Variants in CECR2 observed in about 807,000 individuals in gnomAD.
CECR2 encodes the protein CECR2 histone acetyl-lysine reader, also known as chromatin remodeling regulator CECR2.
Under a neutral mutation model 154.5 loss-of-function variants are expected in CECR2, and 30 were observed. That is an observed-to-expected ratio of 0.19 (90% CI 0.15 to 0.26). The LOEUF (loss-of-function observed/expected upper bound fraction) is 0.26. Among genes scored for constraint, CECR2 ranks in the 10% least tolerant of loss-of-function variants. The pLI is 1.00. For missense variants in CECR2, 1,743 were observed against 1,829.3 expected, an observed-to-expected ratio of 0.95 and a Z score of 0.86; for synonymous variants, 725 against 683.7, an observed-to-expected ratio of 1.06 and a Z score of -0.94.
rs1435714489 is a variant in CECR2, at chr22:17,540,820, CTG to C, written c.1884+22_1884+23del. The C allele has an allele frequency of 2.6e-6, 4 of 1,513,858 alleles. No individual in the cohort carries two copies. The highest frequency in any genetic ancestry group is 2.3e-5 in the Admixed American group (1 of 44,406). 93.8% of individuals were successfully genotyped at this position (1,513,858 alleles called of 1,614,324 possible). A position where few individuals can be genotyped will look rare whatever the true frequency, so the allele number is the denominator to read the frequency against. ...CAGATGGTAAGGAATAGAGTGGAGA[CTG>C]TTGCGGTTTCTCCTAGTTTGTGAGT... On this transcript the variant is annotated intron_variant, in intron 14 of 18. Coordinates refer to ENST00000262608, the MANE Select transcript of CECR2 (RefSeq NM_001290047.2).
rs1555921332 is a variant in CECR2 at position 17,505,859 on chromosome 22, T to TTTTA, written c.870+843_870+844insTTTA. The stretch of plus-strand genomic sequence containing the variant: ...GCTTTTTTTTTTTTTTTTTTTTTTT[T>TTTTA]AAGGACAAGCTCTCTCACTTTGTCG... On this transcript the variant is annotated intron_variant, in intron 7 of 18. Transcript: ENST00000262608. Among the ~76,000 whole-genome samples, 7 of 143,952 alleles carry TTTTA rather than the reference T, an allele frequency of 4.9e-5. No homozygotes were observed. The East Asian group carries it at 6.0e-4, about 12-fold the overall frequency. 94.4% of individuals were successfully genotyped at this position (143,952 alleles called of 152,430 possible). A position where few individuals can be genotyped will look rare whatever the true frequency, so the allele number is the denominator to read the frequency against.
At chr22:17,442,304 C>CT (rs1223561246) in intron 1 of CECR2, among the ~76,000 whole-genome samples, 5 of 152,106 alleles carry the variant, frequency 3.3e-5, no homozygotes, top group African/African-American at 1.2e-4. Flanking sequence ...TGGCTCACAC[C>CT]TATAATCCCA....
At chr22:17,423,259 A>C (rs1030901390) in intron 1 of CECR2, among the ~76,000 whole-genome samples, 9 of 152,044 alleles carry the variant, frequency 5.9e-5, no homozygotes, top group Non-Finnish European at 1.0e-4. Flanking sequence ...CCCACCCTTC[A>C]TGGGACAAGA....
Position 17,548,639 on chromosome 22 carries a change from C to G in CECR2, c.3352C>G (p.Pro1118Ala), listed in dbSNP as rs1034092390. ...LTGGTVSQFPPLYMPGLEYPN... is the reference protein window; with the variant it reads ...LTGGTVSQFPALYMPGLEYPN... ...GGGAGGCACTGTGAGCCAGTTTCCCCCGCTGTATATGCCTGGCCTAGAGTA... is the reference window on the plus strand; with the variant it reads ...GGGAGGCACTGTGAGCCAGTTTCCCGCGCTGTATATGCCTGGCCTAGAGTA... The change falls in exon 17 of 19, where the codon CCG (proline) becomes GCG (alanine). Residue 1118 changes from proline to alanine, a missense_variant. By Grantham distance (27) the Pro-to-Ala change is conservative. This residue lies in a region of CECR2 where 1,250 missense variants were observed against 1,192.1 expected (regional missense o/e 1.05). Coordinates refer to ENST00000262608, the MANE Select transcript of CECR2 (RefSeq NM_001290047.2). 9.3e-6 allele frequency: 15 copies of G among 1,613,052 alleles called. No individual in the cohort carries two copies. The highest frequency in any genetic ancestry group is 1.3e-5 in the Non-Finnish European group (15 of 1,179,540).
At chr22:17,457,150 C>T (rs1264107476) in intron 1 of CECR2, among the ~76,000 whole-genome samples, 6 of 152,252 alleles carry the variant, frequency 3.9e-5, no homozygotes, top group Admixed American at 3.9e-4. Context: ...GTCTCAACCT[C>T]CTGAGTAGCT....
chr22:17,519,552 C>A (rs1363949669), intron 8 of CECR2, among the ~76,000 whole-genome samples: 1 of 152,072 alleles, frequency 6.6e-6, no homozygotes, highest in Non-Finnish European at 1.5e-5. Context: ...GCCACCATGC[C>A]CGGCCCCTCG....
intron 2 of CECR2, among the ~76,000 whole-genome samples, chr22:17,480,455 CACA>C (rs2055289341): frequency 6.8e-6 from 1 of 146,126 alleles, no homozygotes; most frequent in Non-Finnish European, 1.5e-5. Context: ...CACACACACA[CACA>C]CAGAGAAAAG....
chr22:17,456,849 C>T (rs182225257), intron 1 of CECR2, among the ~76,000 whole-genome samples: 1 of 152,288 alleles, frequency 6.6e-6, no homozygotes, highest in Non-Finnish European at 1.5e-5. Context: ...TATTGTTACT[C>T]TTCTACATCT....
intron 16 of CECR2, among the ~76,000 whole-genome samples, chr22:17,547,909 G>A (rs976150760): frequency 2.0e-5 from 3 of 152,052 alleles, no homozygotes; most frequent in African/African-American, 7.3e-5. Context: ...TCCATTCTCC[G>A]GCCCACTGTA....
At chr22:17,446,983 C>G (rs989475287) in intron 1 of CECR2, among the ~76,000 whole-genome samples, 3 of 148,972 alleles carry the variant, frequency 2.0e-5, no homozygotes, top group African/African-American at 7.5e-5. Context: ...TAGCTAGACA[C>G]AGTGCCGATT....
intron 1 of CECR2, among the ~76,000 whole-genome samples, chr22:17,396,373 C>T (rs560315173): frequency 2.6e-5 from 4 of 152,150 alleles, no homozygotes; most frequent in African/African-American, 4.8e-5. Flanking sequence ...GGCAAAACCC[C>T]GTCTCTACTA....
At chr22:17,438,464 TA>T (rs540469734) in intron 1 of CECR2, among the ~76,000 whole-genome samples, 82 of 152,214 alleles carry the variant, frequency 5.4e-4, no homozygotes, top group Non-Finnish European at 8.7e-4. Context: ...TGGAGTCTCT[TA>T]AAACAACTTA....
intron 9 of CECR2, among the ~76,000 whole-genome samples, chr22:17,531,293 T>C (rs1462543451): frequency 6.6e-6 from 1 of 152,188 alleles, no homozygotes; most frequent in Non-Finnish European, 1.5e-5. Flanking sequence ...CTGCTAGCAC[T>C]ATGAAGGCAG....
chr22:17,520,376 C>A (rs916973765), intron 8 of CECR2, among the ~76,000 whole-genome samples: 9 of 151,916 alleles, frequency 5.9e-5, no homozygotes, highest in African/African-American at 2.2e-4. Context: ...TCAATGAAAT[C>A]TTCCCTTTGA....
chr22:17,378,849 T>C (rs748656459), intron 1 of CECR2, among the ~76,000 whole-genome samples: 1 of 152,190 alleles, frequency 6.6e-6, no homozygotes, highest in African/African-American at 2.4e-5. Flanking sequence ...TGCAAACCTT[T>C]AGTATTTTTG....
intron 1 of CECR2, among the ~76,000 whole-genome samples, chr22:17,428,826 G>GTGTGTGTGTGTGTGTGTGTA (rs369291932): frequency 4.0e-5 from 6 of 150,710 alleles, no homozygotes; most frequent in African/African-American, 9.8e-5. Flanking sequence ...GTGTGTGTGT[G>GTGTGTGTGTGTGTGTGTGTA]TATATAAAGG....
At chr22:17,493,345 T>G (rs928980859) in intron 2 of CECR2, among the ~76,000 whole-genome samples, 1 of 152,182 alleles carries the variant, frequency 6.6e-6, no homozygotes, top group Non-Finnish European at 1.5e-5. Context: ...GGAGAAAGTA[T>G]GTAGTCTTTA....
At chr22:17,531,583 G>A (rs1008004006) in intron 9 of CECR2, among the ~76,000 whole-genome samples, 3 of 152,166 alleles carry the variant, frequency 2.0e-5, no homozygotes, top group African/African-American at 7.2e-5. Flanking sequence ...AAACATGAAA[G>A]GTCCTGTATG....
chr22:17,374,184 C>A (rs2063091207), intron 1 of CECR2, among the ~76,000 whole-genome samples: 1 of 151,950 alleles, frequency 6.6e-6, no homozygotes, highest in African/African-American at 2.4e-5. Flanking sequence ...TACCTTTTTT[C>A]CTGAGTGTCC....
Sources: gnomAD v4.1 joint callset for allele counts (sites outside exome capture counted in the v4.1 genomes callset) on GRCh38, gnomAD v4.1.1 for gene constraint, gnomAD v4.1.1 regional missense constraint, MANE v1.5 for transcripts, NCBI Gene and HGNC (gene_info 2026-07-23, HGNC 2026-07-21) for gene names.